Variants in RNF150 observed in about 807,000 individuals in gnomAD.
The protein encoded by RNF150 is ring finger protein 150.
A neutral mutation model predicts 39.3 loss-of-function variants in RNF150; 24 were observed. That is an observed-to-expected ratio of 0.61 (90% confidence interval 0.44 to 0.86). The LOEUF (loss-of-function observed/expected upper bound fraction) is 0.86. Among genes scored for constraint, RNF150 ranks in the 40% least tolerant of loss-of-function variants. The pLI is 0.00. For missense variants in RNF150, 502 were observed against 587.8 expected (o/e 0.85, Z 1.51); for synonymous variants, 255 against 227.3 (o/e 1.12, Z -1.10).
At chr4:141,090,488 G>A in intron 1 of RNF150, among the ~76,000 whole-genome samples, 1 of 152,158 alleles carries the variant, frequency 6.6e-6, no homozygotes, top group South Asian at 2.1e-4. Flanking sequence ...GATGCACAAA[G>A]CCTATCATAT....
intron 6 of RNF150, among the ~76,000 whole-genome samples, chr4:140,905,168 A>G (rs1730328689): frequency 6.6e-6 from 1 of 152,170 alleles, no homozygotes; most frequent in Non-Finnish European, 1.5e-5. Context: ...TGCTTTAACA[A>G]TTTTGTCTTG....
At chr4:140,928,752 T>C (rs919993140) in intron 4 of RNF150, among the ~76,000 whole-genome samples, 11 of 152,148 alleles carry the variant, frequency 7.2e-5, no homozygotes, top group Non-Finnish European at 2.9e-5. Context: ...TTCACTGTGT[T>C]AGCCAGGATG....
intron 1 of RNF150, among the ~76,000 whole-genome samples, chr4:141,083,122 C>T (rs1320702064): frequency 6.6e-6 from 1 of 152,220 alleles, no homozygotes; most frequent in East Asian, 1.9e-4. Context: ...GAAAGGCATA[C>T]TCCAAATGAA....
At chr4:141,023,567 TA>T (rs1284988321) in intron 1 of RNF150, among the ~76,000 whole-genome samples, 1 of 150,114 alleles carries the variant, frequency 6.7e-6, no homozygotes, top group Non-Finnish European at 1.5e-5. Flanking sequence ...ATTAATTTTT[TA>T]TATCTTATTT....
At chr4:141,161,325 T>A (rs1727508723) in intron 1 of RNF150, among the ~76,000 whole-genome samples, 1 of 152,216 alleles carries the variant, frequency 6.6e-6, no homozygotes, top group South Asian at 2.1e-4. Flanking sequence ...AAAAAGTTTG[T>A]AAGCAGCAAA....
chr4:140,981,752 T>C (rs903815241), intron 1 of RNF150, among the ~76,000 whole-genome samples: 5 of 152,298 alleles, frequency 3.3e-5, no homozygotes, highest in Non-Finnish European at 5.9e-5. Context: ...TGCATTGTAT[T>C]TGATTTTTTA....
intron 1 of RNF150, among the ~76,000 whole-genome samples, chr4:141,028,495 G>A (rs1735805879): frequency 6.6e-6 from 1 of 152,164 alleles, no homozygotes; most frequent in Non-Finnish European, 1.5e-5. Context: ...ATCGTTATAG[G>A]CAGTGCTCTC....
chr4:141,191,227 G>T (rs1314745217), intron 1 of RNF150, among the ~76,000 whole-genome samples: 2 of 152,194 alleles, frequency 1.3e-5, no homozygotes, highest in African/African-American at 4.8e-5. Flanking sequence ...GCCAGCTGAT[G>T]ATCTGTGCCT....
chr4:141,158,962 T>G (rs902114071), intron 1 of RNF150, among the ~76,000 whole-genome samples: 2 of 152,236 alleles, frequency 1.3e-5, no homozygotes, highest in South Asian at 4.1e-4. Context: ...AGTTCCCAAC[T>G]TGGTGTTCTT....
At chr4:141,137,921 G>A (rs1055673129), upstream of RNF150, among the ~76,000 whole-genome samples, 2 of 152,110 alleles carry the variant, frequency 1.3e-5, no homozygotes, top group African/African-American at 4.8e-5. Context: ...GTTTCCAGAG[G>A]GCTCTTTGGT....
intron 1 of RNF150, among the ~76,000 whole-genome samples, chr4:140,998,555 G>A (rs2111494661): frequency 6.6e-6 from 1 of 152,338 alleles, no homozygotes; most frequent in East Asian, 1.9e-4. Context: ...AGCCTGAGAA[G>A]ATTAATACCA....
chr4:141,087,609 A>T (rs1738416170), intron 1 of RNF150, among the ~76,000 whole-genome samples: 1 of 152,198 alleles, frequency 6.6e-6, no homozygotes, highest in African/African-American at 2.4e-5. Flanking sequence ...CTAATAAGTA[A>T]TGTTTTATAG....
At chr4:140,985,516 A>C (rs1346304906) in intron 1 of RNF150, among the ~76,000 whole-genome samples, 1 of 152,158 alleles carries the variant, frequency 6.6e-6, no homozygotes, top group Admixed American at 6.6e-5. Context: ...CTTTCTGTCT[A>C]ATGTAGCCAC....
intron 1 of RNF150, among the ~76,000 whole-genome samples, chr4:141,100,102 T>G (rs1446547745): frequency 6.6e-6 from 1 of 152,208 alleles, no homozygotes; most frequent in Non-Finnish European, 1.5e-5. Context: ...TTTATAGGAC[T>G]AGGTTAAAAT....
intron 4 of RNF150, among the ~76,000 whole-genome samples, chr4:140,930,905 A>G (rs1731606506): frequency 6.6e-6 from 1 of 151,762 alleles, no homozygotes; most frequent in Non-Finnish European, 1.5e-5. Flanking sequence ...TTCACTGTTA[A>G]CGACAATGGA....
chr4:141,160,713 AGTGT>A (rs1727495384), intron 1 of RNF150, among the ~76,000 whole-genome samples: 1 of 152,134 alleles, frequency 6.6e-6, no homozygotes, highest in Admixed American at 6.5e-5. Context: ...GTTGTTTAAA[AGTGT>A]GTGGCACCTC....
chr4:141,085,017 G>A (rs138362965), intron 1 of RNF150, among the ~76,000 whole-genome samples: 1 of 152,182 alleles, frequency 6.6e-6, no homozygotes, highest in African/African-American at 2.4e-5. Flanking sequence ...GCTCATCCTT[G>A]GGGCTGTATT....
intron 1 of RNF150, among the ~76,000 whole-genome samples, chr4:141,206,876 C>A (rs961263915): frequency 6.6e-6 from 1 of 151,994 alleles, no homozygotes; most frequent in Non-Finnish European, 1.5e-5. Context: ...AGTAGTGCAG[C>A]CTTTAGTCTG....
At chr4:140,974,261 T>C (rs572914470) in intron 1 of RNF150, among the ~76,000 whole-genome samples, 2 of 152,212 alleles carry the variant, frequency 1.3e-5, no homozygotes, top group Non-Finnish European at 2.9e-5. Context: ...AACGGAATCA[T>C]ATGGTATGTG....
Sources: allele counts gnomAD v4.1 joint callset (sites outside exome capture counted in the v4.1 genomes callset), GRCh38; gene constraint gnomAD v4.1.1; transcripts MANE v1.5; gene names NCBI Gene and HGNC (gene_info 2026-07-23, HGNC 2026-07-21).